The following NCOA2 variants were observed in gnomAD, a reference collection of about 807,000 sequenced individuals.
NCOA2 encodes the protein class E basic helix-loop-helix protein 75.
A neutral mutation model predicts 145.1 loss-of-function variants in NCOA2; 21 were observed. The ratio of observed to expected loss-of-function variants is 0.14; its 90% CI spans 0.10 to 0.21. The LOEUF is 0.21. Among genes scored for constraint, NCOA2 ranks in the 10% least tolerant of loss-of-function variants. The pLI is 1.00. For synonymous variants in NCOA2, 619 were observed against 637.5 expected (o/e 0.97, Z 0.44); for missense variants, 1,472 against 1,837.6 (o/e 0.80, Z 3.64).
intron 7 of NCOA2, among the ~76,000 whole-genome samples, chr8:70,164,489 C>T (rs1381247923): frequency 1.3e-5 from 2 of 152,022 alleles, no homozygotes; most frequent in Non-Finnish European, 2.9e-5. Context: ...CTGCTGCTAC[C>T]CTATCTAAAA....
chr8:70,267,284 G>A (rs1824680370), intron 2 of NCOA2, among the ~76,000 whole-genome samples: 1 of 151,994 alleles, frequency 6.6e-6, no homozygotes, highest in Non-Finnish European at 1.5e-5. Context: ...CTAGAAGCAT[G>A]CCTCGCACTC....
chr8:70,306,880 T>G (rs1339365876), intron 1 of NCOA2, among the ~76,000 whole-genome samples: 5 of 152,102 alleles, frequency 3.3e-5, no homozygotes, highest in African/African-American at 1.2e-4. Context: ...CCATGTCTCT[T>G]AAAAATCCAT....
At chr8:70,122,674 A>C (rs541502589) in intron 21 of NCOA2, among the ~76,000 whole-genome samples, 2 of 152,230 alleles carry the variant, frequency 1.3e-5, no homozygotes, top group Non-Finnish European at 2.9e-5. Flanking sequence ...TAAAATGCAA[A>C]GGGCTTTAAA....
intron 2 of NCOA2, among the ~76,000 whole-genome samples, chr8:70,271,863 T>C (rs1157104160): frequency 4.6e-5 from 7 of 152,204 alleles, no homozygotes; most frequent in African/African-American, 1.7e-4. Context: ...GGCTATTCCT[T>C]TGCTCCTGAA....
intron 1 of NCOA2, among the ~76,000 whole-genome samples, chr8:70,384,818 C>T (rs1479442123): frequency 6.6e-6 from 1 of 152,180 alleles, no homozygotes; most frequent in Non-Finnish European, 1.5e-5. Flanking sequence ...GTAACAGGGA[C>T]AGGAATGTTG....
the NCOA2 span, among the ~76,000 whole-genome samples, chr8:70,432,510 C>T: frequency 6.6e-6 from 1 of 151,956 alleles, no homozygotes; most frequent in African/African-American, 2.4e-5. Context: ...AAAATAAAAA[C>T]AAATTAACCA....
chr8:70,136,653 C>CT (rs1809772109), intron 15 of NCOA2, among the ~76,000 whole-genome samples: 1 of 151,826 alleles, frequency 6.6e-6, no homozygotes, highest in Non-Finnish European at 1.5e-5. Flanking sequence ...AAACTACTAT[C>CT]TTTTTGAAAT....
intron 7 of NCOA2, among the ~76,000 whole-genome samples, chr8:70,166,335 GT>G (rs1373964653): frequency 6.6e-6 from 1 of 152,252 alleles, no homozygotes; most frequent in Non-Finnish European, 1.5e-5. Context: ...CACATGGCTA[GT>G]GGCTGCCACA....
intron 2 of NCOA2, among the ~76,000 whole-genome samples, chr8:70,277,217 A>G (rs1825532065): frequency 6.6e-6 from 1 of 152,212 alleles, no homozygotes; most frequent in Non-Finnish European, 1.5e-5. Context: ...AATGGTCTGT[A>G]TAACATTTCT....
intron 2 of NCOA2, among the ~76,000 whole-genome samples, chr8:70,238,031 C>T (rs1821788695): frequency 6.6e-6 from 1 of 152,060 alleles, no homozygotes. Context: ...CCACAGACCA[C>T]AAAACAAAGG....
In NCOA2 at chr8:70,171,392, T is replaced by G. The variant is rs540771641; in HGVS notation, c.364-1013A>C. 5.9e-5 allele frequency among the ~76,000 whole-genome samples: 9 copies of G among 152,366 alleles called. No homozygotes were observed. In the East Asian group the frequency reaches 1.7e-3, roughly 29 times the overall value. ...ATCCAGAAGGATCAGATTCCAAAGC[T>G]CATGCTTTGATGACCATTCAGTACA... On this transcript the variant is annotated intron_variant, in intron 5 of 22. Coordinates refer to ENST00000452400, the MANE Select transcript of NCOA2 (RefSeq NM_006540.4).
chr8:70,146,889 C>A (rs910262203), intron 12 of NCOA2, among the ~76,000 whole-genome samples: 1 of 151,552 alleles, frequency 6.6e-6, no homozygotes, highest in Non-Finnish European at 1.5e-5. Context: ...TGGGGTTTCA[C>A]CATGTTGGCC....
chr8:70,177,426 C>A (rs2132848731), intron 4 of NCOA2, among the ~76,000 whole-genome samples: 1 of 152,262 alleles, frequency 6.6e-6, no homozygotes, highest in Non-Finnish European at 1.5e-5. Context: ...TTCACTGCAT[C>A]TATGGGGGCT....
intron 1 of NCOA2, among the ~76,000 whole-genome samples, chr8:70,311,515 G>C (rs573459885): frequency 6.6e-6 from 1 of 152,140 alleles, no homozygotes; most frequent in Non-Finnish European, 1.5e-5. Flanking sequence ...TATAAAAGTC[G>C]TAACAGTGTA....
At chr8:70,127,174 A>G in intron 18 of NCOA2, 127 bp from the exon 19 acceptor site, 2 of 661,484 alleles carry the variant, frequency 3.0e-6, no homozygotes, top group Non-Finnish European at 5.3e-6. Flanking sequence ...AAAAAATTAC[A>G]TGAAAGGAAT....
chr8:70,234,746 G>GTTA (rs1339554027), intron 2 of NCOA2, among the ~76,000 whole-genome samples: 2 of 152,108 alleles, frequency 1.3e-5, no homozygotes, highest in Non-Finnish European at 2.9e-5. Flanking sequence ...AGCTTTTGGG[G>GTTA]TTATGAACCT....
At chr8:70,391,035 A>G (rs1283805661) in intron 1 of NCOA2, among the ~76,000 whole-genome samples, 3 of 152,230 alleles carry the variant, frequency 2.0e-5, no homozygotes, top group African/African-American at 7.2e-5. Flanking sequence ...AGGAAAGAGA[A>G]AAGGTAAGGT....
chr8:70,219,696 G>A (rs984481941), intron 2 of NCOA2, among the ~76,000 whole-genome samples: 4 of 151,864 alleles, frequency 2.6e-5, no homozygotes, highest in African/African-American at 7.3e-5. Flanking sequence ...GTGGAGGGGG[G>A]GCAGACAGCT....
chr8:70,430,324 A>C, the NCOA2 span, among the ~76,000 whole-genome samples: 2 of 152,226 alleles, frequency 1.3e-5, no homozygotes, highest in African/African-American at 4.8e-5. Flanking sequence ...GGAAAATGGC[A>C]TAACATCACA....
Sources: gnomAD v4.1 joint callset for allele counts (sites outside exome capture counted in the v4.1 genomes callset) on GRCh38, gnomAD v4.1.1 for gene constraint, MANE v1.5 for transcripts, NCBI Gene and HGNC (gene_info 2026-07-23, HGNC 2026-07-21) for gene names.